Variants in MKKS observed in about 807,000 individuals in gnomAD.
MKKS encodes molecular chaperone MKKS.
MKKS carries 29 observed loss-of-function variants against 33.2 expected under a neutral mutation model. That is an observed-to-expected ratio of 0.87 (90% CI 0.65 to 1.19). The LOEUF (loss-of-function observed/expected upper bound fraction) is 1.19. MKKS is among the 50% of genes most tolerant of loss of function. The pLI, the probability that MKKS is intolerant of heterozygous loss-of-function variation, is 0.00. For synonymous variants in MKKS, 260 were observed against 244.0 expected, an observed-to-expected ratio of 1.07 and a Z score of -0.61; for missense variants, 661 against 662.3, an observed-to-expected ratio of 1.00 and a Z score of 0.02.
intron 1 of MKKS, among the ~76,000 whole-genome samples, chr20:10,425,578 A>G (rs2065009912): frequency 6.6e-6 from 1 of 152,256 alleles, no homozygotes; most frequent in Non-Finnish European, 1.5e-5. Flanking sequence ...AGCTATTTAC[A>G]GTTTGCCTTG....
intron 3 of MKKS, among the ~76,000 whole-genome samples, chr20:10,409,195 G>T (rs1348625522): frequency 6.8e-6 from 1 of 147,806 alleles, no homozygotes; most frequent in Non-Finnish European, 1.5e-5. Context: ...GATGTGACAG[G>T]CTATTTTTTT....
chr20:10,423,775 CTTT>C (rs2064996957), intron 1 of MKKS, among the ~76,000 whole-genome samples: 1 of 152,142 alleles, frequency 6.6e-6, no homozygotes, highest in Non-Finnish European at 1.5e-5. Flanking sequence ...ATCGATGAAT[CTTT>C]TTCTAGATTT....
At chr20:10,409,895 TG>T (rs1235264582) in intron 3 of MKKS, among the ~76,000 whole-genome samples, 2 of 130,570 alleles carry the variant, frequency 1.5e-5, no homozygotes, top group African/African-American at 5.8e-5. Flanking sequence ...CGCTTGAACC[TG>T]GGGGGCAGAG....
In MKKS at chr20:10,413,507, C is replaced by A. The variant is rs770619894; in HGVS notation, c.8G>T (p.Arg3Leu). ...CAATGATGGCTTCTTAGCTTCCAAA[C>A]GAGACATCTTACTTCAGGTGGTAAC... MS[R>L]LEAKKPSLCK... Residue 3 changes from arginine (R) to leucine (L), a missense_variant, in exon 3 of 6, where the codon CGT becomes CTT. By Grantham distance (102) the Arg-to-Leu change is moderately radical (BLOSUM62 -2). Coordinates refer to ENST00000347364, the MANE Select transcript of MKKS (RefSeq NM_170784.3). 4.3e-6 allele frequency: 7 copies of A among 1,614,168 alleles called. No individual in the cohort carries two copies. Among genetic ancestry groups the A allele is most frequent in the Non-Finnish European group, 5.9e-6 (7 of 1,180,028 alleles).
intron 1 of MKKS, among the ~76,000 whole-genome samples, chr20:10,428,465 T>C (rs973561494): frequency 2.6e-5 from 4 of 152,230 alleles, no homozygotes; most frequent in African/African-American, 9.6e-5. Flanking sequence ...AGATAACCTA[T>C]TGGCCAGAGG....
At chr20:10,433,805 A>G (rs1302516884) in intron 1 of MKKS, among the ~76,000 whole-genome samples, 1 of 152,144 alleles carries the variant, frequency 6.6e-6, no homozygotes, top group Non-Finnish European at 1.5e-5. Flanking sequence ...TCGGCGTAGA[A>G]GGCGGCAGCG....
intron 1 of MKKS, among the ~76,000 whole-genome samples, chr20:10,427,559 C>A (rs1302025483): frequency 6.6e-6 from 1 of 152,160 alleles, no homozygotes; most frequent in African/African-American, 2.4e-5. Flanking sequence ...GAATTCTCAT[C>A]ATCAACATTC....
Position 10,412,803 on chromosome 20 carries a change from C to G in MKKS, c.712G>C (p.Ala238Pro), listed in dbSNP as rs1021008148. ...GTACAAAAGAGTGCCACCTTGAGGGCAGTTGATTTTTTGATAGGTAATAGC... is the reference window on the plus strand; with the variant it reads ...GTACAAAAGAGTGCCACCTTGAGGGGAGTTGATTTTTTGATAGGTAATAGC... ...MRLLPIKKST[A>P]LKVALFCTTL... The change falls in exon 3 of 6, where the codon GCC (alanine) becomes CCC (proline). Residue 238 changes from alanine (A) to proline (P), a missense_variant. Transcript: ENST00000347364. 5 of 1,614,174 alleles carry G rather than the reference C, an allele frequency of 3.1e-6. No individual in the cohort carries two copies. Among genetic ancestry groups the G allele is most frequent in the Non-Finnish European group, 4.2e-6 (5 of 1,180,030 alleles).
At chr20:10,424,496 T>A (rs1481782699) in intron 1 of MKKS, among the ~76,000 whole-genome samples, 1 of 152,210 alleles carries the variant, frequency 6.6e-6, no homozygotes, top group South Asian at 2.1e-4. Flanking sequence ...ACATTGGATG[T>A]ATTCTATTGC....
In MKKS at chr20:10,413,339, T is replaced by C; in HGVS notation, c.176A>G (p.Gln59Arg). Residue 59 changes from glutamine to arginine, a missense_variant, in exon 3 of 6, where the codon CAG (glutamine) becomes CGG (arginine). Physicochemically the swap from Gln to Arg is conservative, Grantham distance 43. Coordinates refer to ENST00000347364, the MANE Select transcript of MKKS (RefSeq NM_170784.3). Reference protein sequence around the residue: ...GFGGYVCTTSQSSALLSHLLV... With the variant: ...GFGGYVCTTSRSSALLSHLLV... Reference sequence around the variant, plus strand: ...AAGGTGACTGAGCAGAGCTGAGGACTGTGAGGTTGTACACACGTAACCTCC... The same window carrying C: ...AAGGTGACTGAGCAGAGCTGAGGACCGTGAGGTTGTACACACGTAACCTCC... The C allele has an allele frequency of 6.2e-7, 1 of 1,614,174 alleles. No individual in the cohort carries two copies. The highest frequency in any genetic ancestry group is 1.3e-5 in the African/African-American group (1 of 75,054).
At chr20:10,433,465 C>A (rs957740357) in intron 1 of MKKS, among the ~76,000 whole-genome samples, 6 of 152,136 alleles carry the variant, frequency 3.9e-5, no homozygotes, top group Non-Finnish European at 8.8e-5. Context: ...GCTGTAGACA[C>A]GTGTATATCT....
At chr20:10,410,636 C>A (rs543367699) in intron 3 of MKKS, among the ~76,000 whole-genome samples, 2 of 151,626 alleles carry the variant, frequency 1.3e-5, no homozygotes, top group South Asian at 4.2e-4. Flanking sequence ...TTAAAACAAA[C>A]AAAAACCTCT....
intron 1 of MKKS, among the ~76,000 whole-genome samples, chr20:10,431,324 A>G (rs937424388): frequency 6.6e-6 from 1 of 151,792 alleles, no homozygotes; most frequent in Non-Finnish European, 1.5e-5. Context: ...TTTAGGGATT[A>G]GCAATTTTCA....
At chr20:10,429,584 T>C (rs2065039878) in intron 1 of MKKS, among the ~76,000 whole-genome samples, 1 of 152,068 alleles carries the variant, frequency 6.6e-6, no homozygotes, top group Non-Finnish European at 1.5e-5. Context: ...CTGGATTTCC[T>C]GTTTCGTTAA....
At chr20:10,431,018 A>G (rs1210110233) in intron 1 of MKKS, among the ~76,000 whole-genome samples, 3 of 152,190 alleles carry the variant, frequency 2.0e-5, no homozygotes, top group African/African-American at 7.2e-5. Context: ...TCCTGCCTCA[A>G]TGTCATGATC....
In MKKS at chr20:10,405,642, G is replaced by C. The variant is rs772537800; in HGVS notation, c.1318C>G (p.Gln440Glu). The C allele has an allele frequency of 5.0e-5, 80 of 1,614,034 alleles. No homozygotes were observed. The highest frequency in any genetic ancestry group is 2.5e-4 in the Admixed American group (15 of 60,008). ...TCAGCAATTAATTGAAGTTCTGTTT[G>C]AGTACATTCATCATCTTTGAGAATG... Reference protein sequence around the residue: ...ESILKDDECTQTELQLIAEAF... With the variant: ...ESILKDDECTETELQLIAEAF... The change falls in exon 6 of 6, where the codon CAA (glutamine) becomes GAA (glutamate). Residue 440 changes from glutamine (Q) to glutamate (E), a missense_variant. Physicochemically the swap from Gln to Glu is conservative, Grantham distance 29. Transcript: ENST00000347364.
Position 10,405,150 on chromosome 20 carries a change from A to G in MKKS, c.*97T>C. On this transcript the variant is annotated 3_prime_UTR_variant, in exon 6 of 6. Coordinates refer to ENST00000347364, the MANE Select transcript of MKKS (RefSeq NM_170784.3). ...TGAGTCATTTGTCCAAATATGTAGA[A>G]CAGGGCTTTGGGAGAAAACAAATAC... 2 of 980,012 alleles carry G rather than the reference A, an allele frequency of 2.0e-6. No individual in the cohort carries two copies. The highest frequency in any genetic ancestry group is 3.0e-6 in the Non-Finnish European group (2 of 670,218). 60.7% of individuals were successfully genotyped at this position (980,012 alleles called of 1,614,324 possible).
chr20:10,420,469 G>C (rs1318099161), intron 2 of MKKS, 59 bp downstream of exon 2: 1 of 152,198 alleles, frequency 6.6e-6, no homozygotes. Context: ...CTAAAAGATT[G>C]AGTTTCCCAT....
intron 1 of MKKS, among the ~76,000 whole-genome samples, chr20:10,427,081 A>ACACACACACACACACACACACACACAC (rs1289564841): frequency 1.2e-5 from 1 of 85,698 alleles, no homozygotes; most frequent in Non-Finnish European, 2.4e-5. Flanking sequence ...CACACACACA[A>ACACACACACACACACACACACACACAC]AGTAAGGTTA....
Sources: gnomAD v4.1 joint callset for allele counts (sites outside exome capture counted in the v4.1 genomes callset) on GRCh38, gnomAD v4.1.1 for gene constraint, MANE v1.5 for transcripts, NCBI Gene and HGNC (gene_info 2026-07-23, HGNC 2026-07-21) for gene names.